The following TRAPPC8 variants were observed in gnomAD, a reference collection of about 807,000 sequenced individuals.
TRAPPC8 encodes the protein general sporulation gene 1 homolog.
A neutral mutation model predicts 174.3 loss-of-function variants in TRAPPC8; 54 were observed. The observed-to-expected ratio is 0.31, with a 90% CI of 0.25 to 0.39. The LOEUF (loss-of-function observed/expected upper bound fraction) is 0.39. Ranked by LOEUF, TRAPPC8 falls within the 10% of genes least tolerant of loss-of-function variation. The probability of loss-of-function intolerance (pLI) is 1.00; values close to 1 mark genes in which losing one functional copy is unlikely to be tolerated. For missense variants in TRAPPC8, 1,531 were observed against 1,699.1 expected (o/e 0.90, Z 1.74); for synonymous variants, 630 against 579.9 (o/e 1.09, Z -1.24).
At chr18:31,843,062 A>T (rs1162549417) in intron 26 of TRAPPC8, among the ~76,000 whole-genome samples, 2 of 152,224 alleles carry the variant, frequency 1.3e-5, no homozygotes, top group Non-Finnish European at 2.9e-5. Flanking sequence ...AAATAGTAAG[A>T]TAAAAAGTAG....
At chr18:31,936,910 A>T (rs1288702948) in intron 1 of TRAPPC8, among the ~76,000 whole-genome samples, 1 of 64,650 alleles carries the variant, frequency 1.5e-5, no homozygotes, top group Non-Finnish European at 3.8e-5. Context: ...TTTAAAAAAA[A>T]AAAAAAAAAA....
intron 18 of TRAPPC8, 71 bp from the exon 19 acceptor site, chr18:31,864,852 G>A: frequency 7.9e-7 from 1 of 1,268,874 alleles, no homozygotes; most frequent in South Asian, 1.5e-5. Flanking sequence ...ACTTGAATAT[G>A]TGAATATTGT....
Position 31,933,118 on chromosome 18 carries a change from G to A in TRAPPC8, c.158-1595C>T, listed in dbSNP as rs559118548. On this transcript the variant is annotated intron_variant, in intron 1 of 28. Transcript: ENST00000283351. ...AGACCGAGACCATCCTGGCTAACAC[G>A]GTGAAACCCTGTCTCTACTAAAAAC... Among the ~76,000 whole-genome samples, 36 of 151,536 alleles carry A rather than the reference G, an allele frequency of 2.4e-4. No homozygotes were observed. In the South Asian group the frequency reaches 5.2e-3, roughly 22 times the overall value.
chr18:31,850,696 G>A (rs1358191319), intron 24 of TRAPPC8, among the ~76,000 whole-genome samples: 2 of 152,010 alleles, frequency 1.3e-5, no homozygotes, highest in Non-Finnish European at 2.9e-5. Flanking sequence ...CCTTATGAGC[G>A]AACTTCTTGT....
chr18:31,932,011 C>G (rs1452915367), intron 1 of TRAPPC8, among the ~76,000 whole-genome samples: 2 of 152,216 alleles, frequency 1.3e-5, no homozygotes, highest in Non-Finnish European at 2.9e-5. Flanking sequence ...ATGCCCACAC[C>G]AGTGCACGAT....
At chr18:31,937,374 A>G (rs1293732809) in intron 1 of TRAPPC8, among the ~76,000 whole-genome samples, 1 of 151,944 alleles carries the variant, frequency 6.6e-6, no homozygotes, top group Non-Finnish European at 1.5e-5. Context: ...TACAAAAACT[A>G]CAAAAATTAG....
chr18:31,838,555 A>T (rs755143208), intron 27 of TRAPPC8, among the ~76,000 whole-genome samples: 15 of 152,224 alleles, frequency 9.9e-5, no homozygotes, highest in Admixed American at 2.6e-4. Flanking sequence ...AGGATGGTCA[A>T]CGCGGTATCT....
rs749137801 is a variant in TRAPPC8 at position 31,907,610 on chromosome 18, C to T, written c.1239G>A (p.Leu413=). The T allele has an allele frequency of 6.3e-6, 10 of 1,598,660 alleles. No homozygotes were observed. The East Asian group carries it at 9.0e-5, about 14-fold the overall frequency. The change falls in exon 9 of 29, where the codon CTG becomes CTA. Residue 413 remains leucine (L), a splice_region_variant and synonymous_variant. Coordinates refer to ENST00000283351, the MANE Select transcript of TRAPPC8 (RefSeq NM_014939.5). Reference sequence around the variant, plus strand: ...GAAGTTCTGGTGCTTCCGGCGGATACCTGTAAATACAAAAGAAAATAATTT... The same window carrying T: ...GAAGTTCTGGTGCTTCCGGCGGATATCTGTAAATACAAAAGAAAATAATTT... ...INDLKNTSGL[L]YPPEAPELQI... is the part of the protein sequence containing the mutation.
intron 2 of TRAPPC8, among the ~76,000 whole-genome samples, chr18:31,919,165 C>T (rs1371919754): frequency 6.6e-6 from 1 of 152,104 alleles, no homozygotes; most frequent in Admixed American, 6.6e-5. Context: ...AGGAGAGCAA[C>T]TACTATCACG....
At chr18:31,875,524 T>A (rs2035100734) in intron 12 of TRAPPC8, among the ~76,000 whole-genome samples, 2 of 152,102 alleles carry the variant, frequency 1.3e-5, no homozygotes, top group South Asian at 2.1e-4. Context: ...AGCAGCACAG[T>A]AAACACTGCC....
intron 19 of TRAPPC8, among the ~76,000 whole-genome samples, chr18:31,862,809 A>T (rs192567330): frequency 1.3e-5 from 2 of 152,244 alleles, no homozygotes; most frequent in African/African-American, 2.4e-5. Context: ...GTTCCCAAGC[A>T]CTTTGGGAGG....
At chr18:31,834,488 G>A (rs1440959506) in intron 27 of TRAPPC8, among the ~76,000 whole-genome samples, 1 of 152,172 alleles carries the variant, frequency 6.6e-6, no homozygotes, top group Non-Finnish European at 1.5e-5. Flanking sequence ...ACAGGGCTGA[G>A]AAATCAAAGT....
chr18:31,879,339 G>A (rs192353670), intron 12 of TRAPPC8, among the ~76,000 whole-genome samples: 160 of 152,200 alleles, frequency 1.1e-3, no homozygotes, highest in African/African-American at 3.8e-3. Context: ...AAAACCATAC[G>A]AGTACATGGA....
rs748039937 is a variant in TRAPPC8, at chr18:31,942,717, G to T, written c.48C>A (p.Phe16Leu). 6.2e-7 allele frequency: 1 copy of T among 1,606,550 alleles called. No individual in the cohort carries two copies. The highest frequency in any genetic ancestry group is 8.5e-7 in the Non-Finnish European group (1 of 1,176,786). The change falls in exon 1 of 29, where the codon TTC becomes TTA. Residue 16 changes from phenylalanine to leucine, a missense_variant. Transcript: ENST00000283351. ...TGCACAGCGCAGCGACACAGGGGAC[G>T]AAGGAGTCCGGGATTAGCTCCTGCA... is the stretch of plus-strand genomic sequence containing the variant. Reference protein sequence around the residue: ...QSVQELIPDSFVPCVAALCSD... With the variant: ...QSVQELIPDSLVPCVAALCSD...
chr18:31,888,544 A>C (rs750276849), intron 12 of TRAPPC8, among the ~76,000 whole-genome samples: 5 of 152,226 alleles, frequency 3.3e-5, no homozygotes, highest in Non-Finnish European at 5.9e-5. Context: ...ATGAATAAAG[A>C]AAATGTGGTA....
intron 26 of TRAPPC8, among the ~76,000 whole-genome samples, chr18:31,842,711 C>T (rs2033174850): frequency 6.6e-6 from 1 of 152,072 alleles, no homozygotes; most frequent in Admixed American, 6.6e-5. Context: ...CTGCAAAATC[C>T]AAAAAATTTT....
intron 2 of TRAPPC8, among the ~76,000 whole-genome samples, chr18:31,928,159 A>C (rs1165629392): frequency 7.3e-6 from 1 of 137,180 alleles, no homozygotes; most frequent in Non-Finnish European, 1.5e-5. Context: ...CCGACTAAAA[A>C]AAATAAAATA....
intron 1 of TRAPPC8, among the ~76,000 whole-genome samples, chr18:31,941,269 C>G (rs2038328753): frequency 1.3e-5 from 2 of 152,044 alleles, no homozygotes; most frequent in African/African-American, 2.4e-5. Flanking sequence ...ATGGAGAAAC[C>G]CTGTCTCTAC....
Position 31,871,071 on chromosome 18 carries a change from A to G in TRAPPC8, c.2112T>C (p.Ser704=), listed in dbSNP as rs756738548. 1.9e-6 allele frequency: 3 copies of G among 1,602,462 alleles called. No individual in the cohort carries two copies. Among genetic ancestry groups the G allele is most frequent in the Non-Finnish European group, 2.6e-6 (3 of 1,173,172 alleles). Residue 704 remains serine (S), a synonymous_variant, in exon 15 of 29, where the codon TCT becomes TCC. Transcript: ENST00000283351. ...THVSLDQEYD[S]ESSQQWRELE... The stretch of plus-strand genomic sequence containing the variant: ...GTTCTCGCCACTGCTGAGAGGATTC[A>G]GAATCATATTCTTGATCAAGACTTA...
Sources: gnomAD v4.1 joint callset for allele counts (sites outside exome capture counted in the v4.1 genomes callset) on GRCh38, gnomAD v4.1.1 for gene constraint, MANE v1.5 for transcripts, NCBI Gene and HGNC (gene_info 2026-07-23, HGNC 2026-07-21) for gene names.